Variants in FMN1 observed in about 807,000 individuals in gnomAD.
The protein encoded by FMN1 is formin-1.
A neutral mutation model predicts 132.4 loss-of-function variants in FMN1; 110 were observed. That is an observed-to-expected ratio of 0.83 (90% confidence interval 0.71 to 0.97). The LOEUF (loss-of-function observed/expected upper bound fraction) is 0.97, where lower values mean the gene tolerates loss of function less well. Among genes scored for constraint, FMN1 ranks in the 50% least tolerant of loss-of-function variants. The pLI, the probability that FMN1 is intolerant of heterozygous loss-of-function variation, is 0.00. For missense variants in FMN1, 1,792 were observed against 1,705.3 expected, an observed-to-expected ratio of 1.05 and a Z score of -0.90; for synonymous variants, 722 against 651.7, an observed-to-expected ratio of 1.11 and a Z score of -1.64.
intron 12 of FMN1, among the ~76,000 whole-genome samples, chr15:32,906,604 C>A (rs1267549037): frequency 6.6e-6 from 1 of 152,214 alleles, no homozygotes; most frequent in Non-Finnish European, 1.5e-5. Context: ...CAGCACTACC[C>A]AAGTGCTTTG....
chr15:32,883,462 A>G (rs2059817985), intron 16 of FMN1, among the ~76,000 whole-genome samples: 1 of 126,674 alleles, frequency 7.9e-6, no homozygotes, highest in Non-Finnish European at 1.6e-5. Context: ...GTGAGCCATG[A>G]TTGTGCTGTT....
chr15:33,122,382 A>C (rs1962648949), intron 4 of FMN1, among the ~76,000 whole-genome samples: 1 of 152,334 alleles, frequency 6.6e-6, no homozygotes, highest in Admixed American at 6.5e-5. Context: ...ATTTTCTCCC[A>C]AAAAGTACAT....
intron 17 of FMN1, among the ~76,000 whole-genome samples, chr15:32,810,229 T>C (rs370437891): frequency 6.6e-6 from 1 of 152,172 alleles, no homozygotes; most frequent in East Asian, 1.9e-4. Context: ...GTGTACTTAT[T>C]TGACAGATGG....
intron 4 of FMN1, among the ~76,000 whole-genome samples, chr15:33,149,168 C>T (rs928894969): frequency 1.3e-5 from 2 of 152,120 alleles, no homozygotes; most frequent in Non-Finnish European, 2.9e-5. Flanking sequence ...CATTCCCCAC[C>T]TCCACTGCCT....
intron 5 of FMN1, among the ~76,000 whole-genome samples, chr15:33,075,774 C>A (rs750283811): frequency 5.3e-5 from 8 of 152,196 alleles, no homozygotes; most frequent in Non-Finnish European, 8.8e-5. Flanking sequence ...ATTTTCCCTT[C>A]TTTGGGGAAG....
intron 6 of FMN1, among the ~76,000 whole-genome samples, chr15:33,051,291 G>A (rs879623760): frequency 1.2e-4 from 18 of 152,118 alleles, no homozygotes; most frequent in Admixed American, 1.1e-3. Flanking sequence ...GAAAGGTTAA[G>A]GTGAATTATG....
chr15:33,110,284 G>C (rs970702199), intron 4 of FMN1, among the ~76,000 whole-genome samples: 2 of 151,938 alleles, frequency 1.3e-5, no homozygotes, highest in Non-Finnish European at 2.9e-5. Flanking sequence ...TTGCAGAATT[G>C]TTCACAATAA....
intron 7 of FMN1, among the ~76,000 whole-genome samples, chr15:33,005,623 G>C (rs1281844547): frequency 1.3e-5 from 2 of 151,634 alleles, no homozygotes; most frequent in Non-Finnish European, 3.0e-5. Context: ...AAAACTGTAA[G>C]CATCTTCTGT....
chr15:32,908,515 G>C lies in FMN1; in HGVS notation c.3352C>G (p.Leu1118Val). 6.3e-7 allele frequency: 1 copy of C among 1,593,268 alleles called. No homozygotes were observed. Among genetic ancestry groups the C allele is most frequent in the South Asian group, 1.1e-5 (1 of 90,690 alleles). ...KYYETSKEEE[L>V]KLLDKPEQFL... ...TGCTCAGGTTTATCCAGCAGCTTCA[G>C]TTCTTCTTCTTTGGATGTCTCGTAA... is the stretch of plus-strand genomic sequence containing the variant. The change falls in exon 12 of 21, where the codon CTG (leucine) becomes GTG (valine). Residue 1118 changes from leucine to valine, a missense_variant. By Grantham distance (32) the Leu-to-Val change is conservative. This residue lies in a region of FMN1 where 1,150 missense variants were observed against 1,043.1 expected (regional missense o/e 1.10). Coordinates refer to ENST00000616417, the MANE Select transcript of FMN1 (RefSeq NM_001277313.2).
intron 16 of FMN1, among the ~76,000 whole-genome samples, chr15:32,864,691 T>C (rs1254469199): frequency 6.6e-6 from 1 of 152,226 alleles, no homozygotes; most frequent in Admixed American, 6.5e-5. Flanking sequence ...CTCAGAATAA[T>C]GTAGCTACAT....
chr15:32,924,266 C>T (rs2060903177), intron 10 of FMN1, among the ~76,000 whole-genome samples: 1 of 152,308 alleles, frequency 6.6e-6, no homozygotes, highest in Non-Finnish European at 1.5e-5. Context: ...ATGTATTCAG[C>T]TCTGTTAATG....
At chr15:33,123,319 T>C (rs72721487) in intron 4 of FMN1, among the ~76,000 whole-genome samples, 9,662 of 152,074 alleles carry the variant, frequency 0.064, 433 homozygotes, top group Non-Finnish European at 0.1. Flanking sequence ...AGGCCTTCCA[T>C]AGCTTTTCAC....
At chr15:33,151,792 T>C (rs1038558599) in intron 4 of FMN1, among the ~76,000 whole-genome samples, 2 of 152,168 alleles carry the variant, frequency 1.3e-5, no homozygotes, top group African/African-American at 4.8e-5. Flanking sequence ...GGTTCTGCAA[T>C]ACATGATATA....
At chr15:33,051,216 T>C (rs2036955399) in intron 6 of FMN1, among the ~76,000 whole-genome samples, 2 of 152,200 alleles carry the variant, frequency 1.3e-5, no homozygotes. Flanking sequence ...TTTACACTGC[T>C]TCCTTCTATC....
At chr15:32,909,966 G>A (rs2060517935) in intron 11 of FMN1, among the ~76,000 whole-genome samples, 1 of 152,010 alleles carries the variant, frequency 6.6e-6, no homozygotes, top group Non-Finnish European at 1.5e-5. Flanking sequence ...CTAGCCCAAG[G>A]TCACTTAGCA....
chr15:32,783,638 G>A (rs1310358231), intron 19 of FMN1, among the ~76,000 whole-genome samples: 1 of 151,508 alleles, frequency 6.6e-6, no homozygotes, highest in Non-Finnish European at 1.5e-5. Flanking sequence ...AGCTACTCAG[G>A]AGGCTGAGGC....
intron 9 of FMN1, among the ~76,000 whole-genome samples, chr15:32,960,971 G>A (rs1384461224): frequency 1.8e-5 from 2 of 109,350 alleles, no homozygotes; most frequent in Admixed American, 1.4e-4. Flanking sequence ...CTCCCACCTA[G>A]ATGACAAGAG....
intron 6 of FMN1, among the ~76,000 whole-genome samples, chr15:33,020,279 A>AGCTGCTAGTGTCCACTACAGAACTG (rs1165826907): frequency 6.6e-6 from 1 of 152,172 alleles, no homozygotes; most frequent in African/African-American, 2.4e-5. Flanking sequence ...GGGAATACCC[A>AGCTGCTAGTGTCCACTACAGAACTG]GCTGCTAGTG....
At position 33,008,032 on chromosome 15, in the gene FMN1, T is replaced by G. The variant is rs1462444412; in HGVS notation, c.2205A>C (p.Glu735Asp). Residue 735 changes from glutamate (E) to aspartate (D), a missense_variant, in exon 7 of 21, where the codon GAA (glutamate) becomes GAC (aspartate). By Grantham distance (45) the Glu-to-Asp change is conservative. Around this residue, in one of 3 missense-constraint regions of FMN1, gnomAD observed 1,150 missense variants for 1,043.1 expected, o/e 1.10. Transcript: ENST00000616417. ...GGCATACCTGCAGGTTTTCAATTTC[T>G]TCTTTGTGCTCCCTCTTCAAGTGTA... Reference protein sequence around the residue: ...AILHLKREHKEEIENLQAQFE... With the variant: ...AILHLKREHKDEIENLQAQFE... 2 of 1,601,234 alleles carry G rather than the reference T, an allele frequency of 1.2e-6. No individual in the cohort carries two copies. The highest frequency in any genetic ancestry group is 2.7e-5 in the African/African-American group (2 of 74,756).
Sources: gnomAD v4.1 joint callset for allele counts (sites outside exome capture counted in the v4.1 genomes callset) on GRCh38, gnomAD v4.1.1 for gene constraint, gnomAD v4.1.1 regional missense constraint, MANE v1.5 for transcripts, NCBI Gene and HGNC (gene_info 2026-07-23, HGNC 2026-07-21) for gene names.